Variants in MARK3 observed in about 807,000 individuals in gnomAD.
The protein encoded by MARK3 is microtubule affinity regulating kinase 3.
A neutral mutation model predicts 90.1 loss-of-function variants in MARK3; 46 were observed. The observed-to-expected ratio is 0.51, with a 90% CI of 0.40 to 0.65. The LOEUF is 0.65. Ranked by LOEUF, MARK3 falls within the 30% of genes least tolerant of loss-of-function variation. The pLI is 0.00. For synonymous variants in MARK3, 321 were observed against 332.6 expected (o/e 0.97, Z 0.38); for missense variants, 818 against 947.2 (o/e 0.86, Z 1.79).
At chr14:103,409,529 C>A (rs2091514136) in intron 2 of MARK3, among the ~76,000 whole-genome samples, 1 of 142,934 alleles carries the variant, frequency 7.0e-6, no homozygotes, top group African/African-American at 2.6e-5. Context: ...GTAGATATGA[C>A]ATATAAAATG....
chr14:103,418,578 C>T (rs1020255536), intron 2 of MARK3, among the ~76,000 whole-genome samples: 1 of 152,166 alleles, frequency 6.6e-6, no homozygotes, highest in Non-Finnish European at 1.5e-5. Context: ...CCCTCAGTCA[C>T]TTAGTCCTCC....
chr14:103,457,235 T>C lies in MARK3; in HGVS notation c.483+23T>C, dbSNP rs896538493. ...CAGGTATGAATTAATGTGTCTTTAC[T>C]ATGTCAATTTGATAATTTATCTCAC... On this transcript the variant is annotated intron_variant, in intron 6 of 17. Coordinates refer to ENST00000429436, the MANE Select transcript of MARK3 (RefSeq NM_001128918.3). The C allele has an allele frequency of 5.3e-6, 8 of 1,511,158 alleles. No individual in the cohort carries two copies. The African/African-American group carries it at 6.9e-5, about 13-fold the overall frequency. 93.6% of individuals were successfully genotyped at this position (1,511,158 alleles called of 1,614,324 possible).
chr14:103,412,773 C>G (rs2091727987), intron 2 of MARK3: 1 of 477,448 alleles, frequency 2.1e-6, no homozygotes, highest in African/African-American at 2.0e-5. Context: ...GGTTCTCATG[C>G]CACGCTAACC....
chr14:103,493,240 CT>C (rs11437791), intron 15 of MARK3, among the ~76,000 whole-genome samples: 12 of 123,132 alleles, frequency 9.7e-5, no homozygotes, highest in South Asian at 5.0e-4. Flanking sequence ...GGGAGTATTC[CT>C]TTTTTTTTTT....
At chr14:103,502,851 T>C (rs755823360) in intron 17 of MARK3, 31 bp from the exon 18 acceptor site, 9 of 1,562,218 alleles carry the variant, frequency 5.8e-6, no homozygotes, top group Non-Finnish European at 7.0e-6. Flanking sequence ...TCCTGTACGA[T>C]TAAAAATAAA....
chr14:103,389,758 A>G (rs2140440872), intron 1 of MARK3, among the ~76,000 whole-genome samples: 1 of 151,184 alleles, frequency 6.6e-6, no homozygotes, highest in East Asian at 2.0e-4. Context: ...AGCCTGACCA[A>G]GATGGCAAAA....
At chr14:103,479,692 G>A (rs888683821) in intron 13 of MARK3, among the ~76,000 whole-genome samples, 1 of 134,328 alleles carries the variant, frequency 7.4e-6, no homozygotes, top group Non-Finnish European at 1.5e-5. Context: ...GAGTGCAATG[G>A]TGCGATCTCA....
chr14:103,478,062 T>C (rs1332611924), intron 13 of MARK3, among the ~76,000 whole-genome samples: 3 of 150,662 alleles, frequency 2.0e-5, no homozygotes, highest in Non-Finnish European at 2.9e-5. Context: ...TTTGGGAGGC[T>C]GAAGTGGGCA....
intron 16 of MARK3, chr14:103,499,428 C>T (rs1036869363): frequency 7.9e-5 from 12 of 152,184 alleles, no homozygotes; most frequent in African/African-American, 2.4e-4. Flanking sequence ...CCACTGTGCT[C>T]CAGCCTAGGG....
At chr14:103,407,976 CCCCAGG>C (rs761167130) in intron 2 of MARK3, among the ~76,000 whole-genome samples, 1 of 152,086 alleles carries the variant, frequency 6.6e-6, no homozygotes, top group Non-Finnish European at 1.5e-5. Context: ...AATCCCCTTT[CCCCAGG>C]CATGGGATTC....
chr14:103,474,439 C>T lies in MARK3; in HGVS notation c.1265-554C>T, dbSNP rs931945387. Among the ~76,000 whole-genome samples the T allele has an allele frequency of 3.3e-5, 5 of 152,192 alleles. No homozygotes were observed. The East Asian group carries it at 9.6e-4, about 29-fold the overall frequency. ...CTGGAGTGGCAGGAATGACTAGTGA[C>T]CTCCACCGACTTCCTCCCTGTCGCT... On this transcript the variant is annotated intron_variant, in intron 12 of 17. Transcript: ENST00000429436.
intron 1 of MARK3, among the ~76,000 whole-genome samples, chr14:103,395,320 G>C (rs532762257): frequency 1.4e-4 from 21 of 151,900 alleles, no homozygotes; most frequent in Non-Finnish European, 1.8e-4. Context: ...TCACTCGGCT[G>C]TGCCTCATGG....
At chr14:103,496,321 C>G (rs1018584689) in intron 15 of MARK3, among the ~76,000 whole-genome samples, 2 of 152,086 alleles carry the variant, frequency 1.3e-5, no homozygotes, top group African/African-American at 4.8e-5. Context: ...TGGCTCATGC[C>G]TATAATCCCA....
At chr14:103,500,294 T>G in intron 17 of MARK3, 94 bp downstream of exon 17, 1 of 926,102 alleles carries the variant, frequency 1.1e-6, no homozygotes, top group Non-Finnish European at 1.6e-6. Context: ...CCTACTGTAT[T>G]CCTGCTGTCT....
At chr14:103,500,918 A>G (rs1045259147) in intron 17 of MARK3, among the ~76,000 whole-genome samples, 3 of 152,096 alleles carry the variant, frequency 2.0e-5, no homozygotes, top group African/African-American at 7.2e-5. Flanking sequence ...CCCCGCACCC[A>G]GCCTTGCTTT....
intron 12 of MARK3, 112 bp downstream of exon 12, chr14:103,468,298 G>A: frequency 2.3e-6 from 1 of 441,570 alleles, no homozygotes; most frequent in Non-Finnish European, 3.7e-6. Context: ...TCTTGGCATT[G>A]CTTTCTTTCT....
chr14:103,448,879 T>G (rs112268232), intron 3 of MARK3, 40 bp from the exon 4 acceptor site: 1 of 685,248 alleles, frequency 1.5e-6, no homozygotes, highest in Non-Finnish European at 2.2e-6. Context: ...TAATAACTTG[T>G]GTTGGGGGGA....
intron 13 of MARK3, among the ~76,000 whole-genome samples, chr14:103,476,200 G>A (rs555869540): frequency 5.1e-4 from 78 of 152,286 alleles, no homozygotes; most frequent in African/African-American, 1.8e-3. Context: ...GACATGGAAA[G>A]ACCTCACAGT....
At chr14:103,496,097 C>A (rs927314015) in intron 15 of MARK3, among the ~76,000 whole-genome samples, 1 of 152,166 alleles carries the variant, frequency 6.6e-6, no homozygotes, top group African/African-American at 2.4e-5. Context: ...TCACCCATAC[C>A]CTGCAGGCAG....
Sources: allele counts gnomAD v4.1 joint callset (sites outside exome capture counted in the v4.1 genomes callset), GRCh38; gene constraint gnomAD v4.1.1; transcripts MANE v1.5; gene names NCBI Gene and HGNC (gene_info 2026-07-23, HGNC 2026-07-21).